The following QTGAL variants were observed in gnomAD, a reference collection of about 807,000 sequenced individuals.
The protein encoded by QTGAL is BGnT-like protein 1.
At chr17:83,002,075 T>C in the QTGAL span, among the ~76,000 whole-genome samples, 1 of 152,238 alleles carries the variant, frequency 6.6e-6, no homozygotes, top group Non-Finnish European at 1.5e-5. Flanking sequence ...TTTTTTAAAT[T>C]TCCCACACTA....
At chr17:82,961,342 C>A in the QTGAL span, 1 of 988,802 alleles carries the variant, frequency 1.0e-6, no homozygotes, top group Non-Finnish European at 1.4e-6. Context: ...CGTGGGGCGG[C>A]GACCACAACA....
the QTGAL span, among the ~76,000 whole-genome samples, chr17:83,046,405 G>A: frequency 1.3e-5 from 2 of 152,174 alleles, no homozygotes; most frequent in Admixed American, 6.5e-5. Context: ...CCGAAGTGCC[G>A]GGATTAGAGG....
chr17:83,001,229 A>G, the QTGAL span, among the ~76,000 whole-genome samples: 1 of 152,244 alleles, frequency 6.6e-6, no homozygotes, highest in Non-Finnish European at 1.5e-5. Context: ...GGACAGAGGA[A>G]TCTGTTAAAT....
the QTGAL span, among the ~76,000 whole-genome samples, chr17:82,996,122 G>C: frequency 6.6e-6 from 1 of 152,214 alleles, no homozygotes; most frequent in Admixed American, 6.5e-5. Flanking sequence ...AGATATTCCA[G>C]GTTCACGGAT....
At chr17:82,984,724 T>C in the QTGAL span, among the ~76,000 whole-genome samples, 1 of 152,116 alleles carries the variant, frequency 6.6e-6, no homozygotes, top group Non-Finnish European at 1.5e-5. Flanking sequence ...AGCTGCCCTG[T>C]CTGTAGTGTT....
the QTGAL span, among the ~76,000 whole-genome samples, chr17:83,050,265 G>A: frequency 0.16 from 24,500 of 152,140 alleles, 2,267 homozygotes; most frequent in Non-Finnish European, 0.21. Flanking sequence ...AGCTACTCGG[G>A]AGGCTGAGGC....
chr17:83,048,701 T>C, the QTGAL span: 7 of 1,613,958 alleles, frequency 4.3e-6, no homozygotes, highest in South Asian at 4.4e-5. Context: ...GACAGCTCCA[T>C]GGTACCTTCA....
chr17:83,038,494 AC>A, the QTGAL span, among the ~76,000 whole-genome samples: 1 of 152,258 alleles, frequency 6.6e-6, no homozygotes, highest in South Asian at 2.1e-4. Flanking sequence ...CACAACAGTC[AC>A]CAAAATACTT....
At chr17:83,043,620 ATAAAC>A in the QTGAL span, among the ~76,000 whole-genome samples, 2 of 152,180 alleles carry the variant, frequency 1.3e-5, no homozygotes, top group African/African-American at 2.4e-5. Flanking sequence ...AAAAAGAAAA[ATAAAC>A]TAAACACACA....
chr17:82,980,862 C>T, the QTGAL span, among the ~76,000 whole-genome samples: 2 of 152,120 alleles, frequency 1.3e-5, no homozygotes, highest in Admixed American at 6.5e-5. Flanking sequence ...TTTCCCTCCC[C>T]GGAGGTTTGG....
At chr17:83,048,650 A>T in the QTGAL span, 1 of 1,608,618 alleles carries the variant, frequency 6.2e-7, no homozygotes, top group East Asian at 2.2e-5. Flanking sequence ...GAGTCACCCG[A>T]CAGGAAGTTC....
At chr17:83,033,502 CG>C in the QTGAL span, among the ~76,000 whole-genome samples, 1 of 151,376 alleles carries the variant, frequency 6.6e-6, no homozygotes, top group African/African-American at 2.4e-5. Flanking sequence ...GACAGAGTCC[CG>C]CTCTGTCGCC....
At chr17:82,955,767 C>T in the QTGAL span, among the ~76,000 whole-genome samples, 1 of 152,050 alleles carries the variant, frequency 6.6e-6, no homozygotes, top group Non-Finnish European at 1.5e-5. Flanking sequence ...ATCAATGATA[C>T]ACGGGATAAA....
the QTGAL span, chr17:82,961,078 G>C: frequency 6.2e-7 from 1 of 1,609,946 alleles, no homozygotes; most frequent in Admixed American, 1.7e-5. Context: ...GTGCGTGGCC[G>C]CCTGTGGGTG....
the QTGAL span, among the ~76,000 whole-genome samples, chr17:83,036,629 G>A: frequency 6.6e-6 from 1 of 152,190 alleles, no homozygotes; most frequent in African/African-American, 2.4e-5. Flanking sequence ...GGATAGGGAG[G>A]CCTAAAGGGT....
At chr17:83,038,722 G>A in the QTGAL span, among the ~76,000 whole-genome samples, 1 of 152,112 alleles carries the variant, frequency 6.6e-6, no homozygotes. Context: ...AGCCGGGCGT[G>A]GTGGCGGGCT....
the QTGAL span, among the ~76,000 whole-genome samples, chr17:82,991,891 C>G: frequency 2.0e-5 from 3 of 152,032 alleles, no homozygotes; most frequent in Non-Finnish European, 2.9e-5. Context: ...AGCAGAAATT[C>G]TGGAGCTGAA....
the QTGAL span, among the ~76,000 whole-genome samples, chr17:83,024,990 G>T: frequency 2.6e-5 from 4 of 152,368 alleles, no homozygotes; most frequent in African/African-American, 9.6e-5. Context: ...CCCCAAGGTC[G>T]TGGGACCTAG....
chr17:82,982,097 T>C, the QTGAL span, among the ~76,000 whole-genome samples: 1 of 145,826 alleles, frequency 6.9e-6, no homozygotes. Context: ...ACCTCCATGG[T>C]GATGGGCCAA....
Sources: allele counts gnomAD v4.1 joint callset (sites outside exome capture counted in the v4.1 genomes callset), GRCh38; gene constraint gnomAD v4.1.1; transcripts MANE v1.5; gene names NCBI Gene and HGNC (gene_info 2026-07-23, HGNC 2026-07-21).